HNRNPA1L2: variants seen among roughly 807,000 people sequenced by gnomAD.
The protein encoded by HNRNPA1L2 is heterogeneous nuclear ribonucleoprotein A1 like 2.
A neutral mutation model predicts 18.2 loss-of-function variants in HNRNPA1L2; 10 were observed. The ratio of observed to expected loss-of-function variants is 0.55; its 90% CI spans 0.34 to 0.93. The LOEUF (loss-of-function observed/expected upper bound fraction) is 0.93, where lower values mean the gene tolerates loss of function less well. Ranked by LOEUF, HNRNPA1L2 falls within the 40% of genes least tolerant of loss-of-function variation. The pLI is 0.02. For synonymous variants in HNRNPA1L2, 124 were observed against 138.6 expected, an observed-to-expected ratio of 0.89 and a Z score of 0.74; for missense variants, 308 against 394.4, an observed-to-expected ratio of 0.78 and a Z score of 1.85.
At chr13:52,624,277 C>T in the HNRNPA1L2 span, among the ~76,000 whole-genome samples, 1 of 152,084 alleles carries the variant, frequency 6.6e-6, no homozygotes, top group Admixed American at 6.6e-5. Flanking sequence ...CCATGCCTGG[C>T]AAATTTTTGT....
At chr13:52,619,941 A>T in the HNRNPA1L2 span, among the ~76,000 whole-genome samples, 1 of 150,232 alleles carries the variant, frequency 6.7e-6, no homozygotes, top group Non-Finnish European at 1.5e-5. Context: ...AAAAAAAAAA[A>T]AAGAATAATA....
upstream of HNRNPA1L2, among the ~76,000 whole-genome samples, chr13:52,638,608 G>T (rs538379252): frequency 7.6e-4 from 115 of 152,070 alleles, no homozygotes; most frequent in Non-Finnish European, 1.3e-3. Context: ...TATAAATACA[G>T]ATAACAAAAC....
chr13:52,632,914 C>T, the HNRNPA1L2 span, among the ~76,000 whole-genome samples: 3 of 152,224 alleles, frequency 2.0e-5, no homozygotes, highest in Non-Finnish European at 4.4e-5. Flanking sequence ...TGCTCCTCAG[C>T]TAGGCACTAT....
At position 52,642,910 on chromosome 13, in the gene HNRNPA1L2, C is replaced by T. The variant is rs532521949; in HGVS notation, c.418C>T (p.Arg140Ter). The T allele has an allele frequency of 2.0e-5, 32 of 1,596,700 alleles. No homozygotes were observed. Among genetic ancestry groups the T allele is most frequent in the Middle Eastern group, 2.2e-4 (1 of 4,460 alleles). ...TGAAGTAATTGAAATCATGACTGAC[C>T]GAGGCAGTGGCAAGAAAAGGGGCTT... Reference protein sequence around the residue: ...KIEVIEIMTDRGSGKKRGFAF... With the variant: ...KIEVIEIMTD The change falls in exon 1 of 1, where the codon CGA (arginine) becomes TGA (stop). Residue 140 changes from arginine (R) to a stop codon, truncating the protein, a stop_gained. Transcript: ENST00000357495. LOFTEE classifies it high-confidence loss of function.
chr13:52,631,742 G>T, the HNRNPA1L2 span, among the ~76,000 whole-genome samples: 1 of 152,090 alleles, frequency 6.6e-6, no homozygotes, highest in Admixed American at 6.6e-5. Context: ...ATTTTAATCT[G>T]CCAGTAAGTT....
the HNRNPA1L2 span, chr13:52,637,313 C>G: frequency 4.5e-6 from 1 of 221,106 alleles, no homozygotes; most frequent in East Asian, 1.1e-4. Flanking sequence ...AGACACATCA[C>G]CTTCACTTTG....
At chr13:52,617,537 G>C in the HNRNPA1L2 span, 4 of 419,388 alleles carry the variant, frequency 9.5e-6, no homozygotes, top group Non-Finnish European at 1.7e-5. Context: ...TTGCTCTCCT[G>C]GATGGCTTTA....
chr13:52,619,715 A>G, the HNRNPA1L2 span, among the ~76,000 whole-genome samples: 1 of 151,960 alleles, frequency 6.6e-6, no homozygotes, highest in African/African-American at 2.4e-5. Context: ...AGGTAAGGAG[A>G]TCCAGACCAT....
At chr13:52,625,117 C>CT in the HNRNPA1L2 span, among the ~76,000 whole-genome samples, 8,342 of 145,322 alleles carry the variant, frequency 0.057, 253 homozygotes, top group Middle Eastern at 0.079. Flanking sequence ...TTAAAAGATA[C>CT]TTTTTTTTTT....
chr13:52,639,377 A>G (rs1389557150), upstream of HNRNPA1L2, among the ~76,000 whole-genome samples: 1 of 152,168 alleles, frequency 6.6e-6, no homozygotes, highest in East Asian at 1.9e-4. Flanking sequence ...TACTTACGAT[A>G]TCTTCCCCTC....
chr13:52,634,859 G>A, the HNRNPA1L2 span, among the ~76,000 whole-genome samples: 2 of 152,208 alleles, frequency 1.3e-5, no homozygotes, highest in African/African-American at 4.8e-5. Context: ...ATGAGGGTTA[G>A]TATGTACATC....
the HNRNPA1L2 span, among the ~76,000 whole-genome samples, chr13:52,623,847 A>G: frequency 6.6e-6 from 1 of 152,196 alleles, no homozygotes; most frequent in African/African-American, 2.4e-5. Flanking sequence ...TTTGGCTGGA[A>G]CACAGCGGGG....
chr13:52,635,759 A>G, the HNRNPA1L2 span, among the ~76,000 whole-genome samples: 6 of 152,002 alleles, frequency 3.9e-5, no homozygotes, highest in South Asian at 1.0e-3. Context: ...TTTGAGATTC[A>G]TCCATGCTGT....
the HNRNPA1L2 span, among the ~76,000 whole-genome samples, chr13:52,626,641 T>A: frequency 6.6e-6 from 1 of 152,130 alleles, no homozygotes; most frequent in African/African-American, 2.4e-5. Flanking sequence ...TTTACTATTC[T>A]TGTATTATAT....
chr13:52,620,757 G>A, the HNRNPA1L2 span, among the ~76,000 whole-genome samples: 1 of 152,018 alleles, frequency 6.6e-6, no homozygotes, highest in Non-Finnish European at 1.5e-5. Flanking sequence ...CAAAAAATTA[G>A]TCCCAACTAC....
At chr13:52,625,744 A>G in the HNRNPA1L2 span, among the ~76,000 whole-genome samples, 1 of 152,220 alleles carries the variant, frequency 6.6e-6, no homozygotes, top group Non-Finnish European at 1.5e-5. Flanking sequence ...AACAGTTCTG[A>G]AAGTACATTT....
At chr13:52,625,407 G>A in the HNRNPA1L2 span, among the ~76,000 whole-genome samples, 3 of 152,054 alleles carry the variant, frequency 2.0e-5, no homozygotes, top group Non-Finnish European at 2.9e-5. Context: ...GAGCCACCAC[G>A]AAGCCCTGAA....
chr13:52,637,880 TTG>T (rs1054572242), upstream of HNRNPA1L2, among the ~76,000 whole-genome samples: 1 of 152,204 alleles, frequency 6.6e-6, no homozygotes, highest in Non-Finnish European at 1.5e-5. Flanking sequence ...ACATATTCTT[TTG>T]TTTGTAACAA....
chr13:52,623,040 C>T, the HNRNPA1L2 span, among the ~76,000 whole-genome samples: 3 of 152,050 alleles, frequency 2.0e-5, no homozygotes, highest in Non-Finnish European at 4.4e-5. Context: ...TACATGGTAT[C>T]AAAAATACCT....
Sources: gnomAD v4.1 joint callset for allele counts (sites outside exome capture counted in the v4.1 genomes callset) on GRCh38, gnomAD v4.1.1 for gene constraint, MANE v1.5 for transcripts, NCBI Gene and HGNC (gene_info 2026-07-23, HGNC 2026-07-21) for gene names.